Variants in CUEDC1 observed in about 807,000 individuals in gnomAD.
The protein encoded by CUEDC1 is CUE domain containing 1.
A neutral mutation model predicts 43.7 loss-of-function variants in CUEDC1; 30 were observed. The observed-to-expected ratio is 0.69, with a 90% CI of 0.51 to 0.93. CUEDC1 has a LOEUF of 0.93. Among genes scored for constraint, CUEDC1 ranks in the 40% least tolerant of loss-of-function variants. The pLI, the probability that CUEDC1 is intolerant of heterozygous loss-of-function variation, is 0.00. For missense variants in CUEDC1, 486 were observed against 549.0 expected, an observed-to-expected ratio of 0.89 and a Z score of 1.15; for synonymous variants, 223 against 223.6, an observed-to-expected ratio of 1.00 and a Z score of 0.02.
At chr17:57,892,861 A>G (rs1300321346) in intron 1 of CUEDC1, among the ~76,000 whole-genome samples, 1 of 152,120 alleles carries the variant, frequency 6.6e-6, no homozygotes, top group Non-Finnish European at 1.5e-5. Context: ...TCTTTGGCAC[A>G]TGTGCCACCA....
rs2074920839 is a variant in CUEDC1 at position 57,941,969 on chromosome 17, C to A, written c.-316+13256G>T. 2.0e-5 allele frequency among the ~76,000 whole-genome samples: 3 copies of A among 152,162 alleles called. No individual in the cohort carries two copies. The South Asian group carries it at 6.2e-4, about 32-fold the overall frequency. The stretch of plus-strand genomic sequence containing the variant: ...GCCAGAGTCCGAAAATAAGACCACC[C>A]TATTCATGTTCCTAAATTGAGCCTG... On this transcript the variant is annotated intron_variant, in intron 1 of 10. Transcript: ENST00000577830.
chr17:57,916,149 C>A (rs1266246760), intron 1 of CUEDC1, among the ~76,000 whole-genome samples: 1 of 152,258 alleles, frequency 6.6e-6, no homozygotes, highest in African/African-American at 2.4e-5. Flanking sequence ...GAAGCTGGTG[C>A]CAGCTCTCCG....
chr17:57,878,175 C>A (rs1014724506), intron 3 of CUEDC1, among the ~76,000 whole-genome samples: 11 of 152,152 alleles, frequency 7.2e-5, no homozygotes, highest in African/African-American at 2.7e-4. Context: ...CGGGAGGTGA[C>A]AGGACACAGC....
intron 5 of CUEDC1, 114 bp from the exon 6 acceptor site, chr17:57,871,483 G>A (rs1485554276): frequency 1.7e-5 from 13 of 746,204 alleles, no homozygotes; most frequent in Non-Finnish European, 3.0e-5. Flanking sequence ...TCACACATGA[G>A]CACACACGGG....
At position 57,941,890 on chromosome 17, in the gene CUEDC1, G is replaced by T. The variant is rs114946137; in HGVS notation, c.-316+13335C>A. Reference sequence around the variant, plus strand: ...CCAGGAAGGAAAACGAGGTGAATGGGGACAGAGGGACATTGTCTAAAAAAG... The same window carrying T: ...CCAGGAAGGAAAACGAGGTGAATGGTGACAGAGGGACATTGTCTAAAAAAG... On this transcript the variant is annotated intron_variant, in intron 1 of 10. Coordinates refer to ENST00000577830, the MANE Select transcript of CUEDC1 (RefSeq NM_001271875.2). 4.8e-3 allele frequency among the ~76,000 whole-genome samples: 729 copies of T among 152,334 alleles called. 7 individuals are homozygous for T. The highest frequency in any genetic ancestry group is 0.016 in the African/African-American group (678 of 41,566).
rs142325588 is a variant in CUEDC1 at position 57,861,803 on chromosome 17, A to ACCCCCCCCCCCCCC, written c.*1485_*1486insGGGGGGGGGGGGGG. The ACCCCCCCCCCCCCC allele has an allele frequency of 7.6e-6, 1 of 131,352 alleles. No individual in the cohort carries two copies. The highest frequency in any genetic ancestry group is 2.8e-5 in the African/African-American group (1 of 36,012). 8.1% of individuals were successfully genotyped at this position (131,352 alleles called of 1,614,324 possible). On this transcript the variant is annotated 3_prime_UTR_variant, in exon 11 of 11. Transcript: ENST00000577830. ...TGGGGTACCGAGGCACTCCTCGGAG[A>ACCCCCCCCCCCCCC]CCCCCCCCCCTCCCTCCAGGGCCCC...
chr17:57,872,884 T>A, intron 4 of CUEDC1, 29 bp from the exon 5 acceptor site: 3 of 1,597,744 alleles, frequency 1.9e-6, no homozygotes, highest in Non-Finnish European at 2.6e-6. Context: ...ATGTTGAATG[T>A]GTACACACAA....
rs2074278636 is a variant in CUEDC1, at chr17:57,885,535, G to T, written c.30C>A (p.Ser10Arg). 5.1e-6 allele frequency: 7 copies of T among 1,383,272 alleles called. No homozygotes were observed. The highest frequency in any genetic ancestry group is 4.6e-6 in the Non-Finnish European group (5 of 1,075,944). The allele number at this position is 1,383,272 out of a possible 1,614,324, so 85.7% of individuals were successfully genotyped here. ...CGGCGGTGCCACCCCCGCCGCTGCC[G>T]CTGCTGCTCCGGCGGAACAGGCTGG... Reference protein sequence around the residue: MTSLFRRSSSGSGGGGTAGA... With the variant: MTSLFRRSSRGSGGGGTAGA... Residue 10 changes from serine to arginine, a missense_variant, in exon 2 of 11, where the codon AGC becomes AGA. Ser to Arg is a moderately radical substitution (Grantham distance 110, BLOSUM62 -1). Coordinates refer to ENST00000577830, the MANE Select transcript of CUEDC1 (RefSeq NM_001271875.2).
intron 9 of CUEDC1, 30 bp downstream of exon 9, chr17:57,867,327 T>G (rs1243905043): frequency 6.5e-7 from 1 of 1,547,742 alleles, no homozygotes; most frequent in Admixed American, 2.0e-5. Context: ...CATAGAGAAG[T>G]TGGAGCTTAC....
At chr17:57,922,853 A>G (rs2074710628) in intron 1 of CUEDC1, among the ~76,000 whole-genome samples, 1 of 151,792 alleles carries the variant, frequency 6.6e-6, no homozygotes, top group African/African-American at 2.4e-5. Flanking sequence ...GCACATTAGA[A>G]TCACCCAGGG....
intron 6 of CUEDC1, among the ~76,000 whole-genome samples, chr17:57,870,658 G>T (rs969538320): frequency 2.7e-5 from 4 of 150,656 alleles, no homozygotes; most frequent in Non-Finnish European, 5.9e-5. Context: ...CCACCACGGG[G>T]CATTTTGGGG....
intron 1 of CUEDC1, among the ~76,000 whole-genome samples, chr17:57,953,455 AGTCTG>A (rs1235628995): frequency 6.6e-6 from 1 of 152,232 alleles, no homozygotes; most frequent in Non-Finnish European, 1.5e-5. Context: ...CCTTAGAAGC[AGTCTG>A]CTCTTTGAAC....
intron 1 of CUEDC1, among the ~76,000 whole-genome samples, chr17:57,929,832 G>A (rs188156719): frequency 6.6e-6 from 1 of 152,032 alleles, no homozygotes. Context: ...ACGGAGTTTC[G>A]CTCTTGTTGC....
chr17:57,916,240 C>A (rs73314271), intron 1 of CUEDC1, among the ~76,000 whole-genome samples: 26,630 of 152,268 alleles, frequency 0.17, 3,919 homozygotes, highest in African/African-American at 0.41. Context: ...GAGAGTGTTT[C>A]TAAATCACAG....
chr17:57,884,712 C>A (rs945449422), intron 2 of CUEDC1, among the ~76,000 whole-genome samples: 1 of 152,326 alleles, frequency 6.6e-6, no homozygotes, highest in South Asian at 2.1e-4. Context: ...GCTTAGCCAT[C>A]GCTTCCTCTG....
chr17:57,889,953 G>C (rs2074337892), intron 1 of CUEDC1, among the ~76,000 whole-genome samples: 1 of 152,236 alleles, frequency 6.6e-6, no homozygotes, highest in Non-Finnish European at 1.5e-5. Flanking sequence ...TTTGCAACTA[G>C]CACTGCTCAA....
intron 10 of CUEDC1, 135 bp from the exon 11 acceptor site, chr17:57,863,420 C>T (rs188983435): frequency 1.3e-5 from 2 of 152,272 alleles, no homozygotes; most frequent in East Asian, 1.9e-4. Context: ...TCCAGGGACT[C>T]GAGGTCAACC....
intron 1 of CUEDC1, among the ~76,000 whole-genome samples, chr17:57,944,193 T>TA: frequency 1.4e-5 from 2 of 139,622 alleles, no homozygotes. Flanking sequence ...TTATTATTTA[T>TA]TTTTTTATAT....
At chr17:57,914,988 G>A (rs1320544809) in intron 1 of CUEDC1, 1 of 152,218 alleles carries the variant, frequency 6.6e-6, no homozygotes, top group African/African-American at 2.4e-5. Flanking sequence ...CAATGAGGCA[G>A]CTACTATTCT....
Sources: gnomAD v4.1 joint callset for allele counts (sites outside exome capture counted in the v4.1 genomes callset) on GRCh38, gnomAD v4.1.1 for gene constraint, MANE v1.5 for transcripts, NCBI Gene and HGNC (gene_info 2026-07-23, HGNC 2026-07-21) for gene names.